The following ZNF713 variants were observed in gnomAD, a reference collection of about 807,000 sequenced individuals.
ZNF713 encodes the protein zinc finger protein 713.
Under a neutral mutation model 28.7 loss-of-function variants are expected in ZNF713, and 21 were observed. The observed-to-expected ratio is 0.73, with a 90% CI of 0.52 to 1.05. The LOEUF (loss-of-function observed/expected upper bound fraction) is 1.05. Ranked by LOEUF, ZNF713 falls within the 50% of genes least tolerant of loss-of-function variation. The pLI is 0.00. For missense variants in ZNF713, 458 were observed against 532.4 expected (o/e 0.86, Z 1.37); for synonymous variants, 167 against 178.0 (o/e 0.94, Z 0.49).
chr7:55,908,595 G>A (rs1473370691), intron 2 of ZNF713, among the ~76,000 whole-genome samples: 4 of 151,060 alleles, frequency 2.6e-5, no homozygotes, highest in Non-Finnish European at 4.4e-5. Flanking sequence ...ACTTTTTGAT[G>A]GGTTTTTTTT....
At chr7:55,899,075 C>G (rs778738464) in intron 1 of ZNF713, among the ~76,000 whole-genome samples, 9 of 152,062 alleles carry the variant, frequency 5.9e-5, no homozygotes, top group Admixed American at 2.6e-4. Context: ...AAAAATCGGC[C>G]AGGCACGGTG....
chr7:55,940,063 C>CT lies in ZNF713; in HGVS notation c.*62dup, dbSNP rs1432193112. The stretch of plus-strand genomic sequence containing the variant: ...AATGTAGGAGATTTTTTGGTCAGAC[C>CT]TTTTTATCCCATTCAATATCAAATT... On this transcript the variant is annotated 3_prime_UTR_variant, in exon 7 of 7. Coordinates refer to ENST00000429591, the MANE Select transcript of ZNF713 (RefSeq NM_182633.3). The CT allele has an allele frequency of 6.7e-7, 1 of 1,501,588 alleles. No homozygotes were observed. The highest frequency in any genetic ancestry group is 1.4e-5 in the African/African-American group (1 of 71,132). 93.0% of individuals were successfully genotyped at this position (1,501,588 alleles called of 1,614,324 possible). A position where few individuals can be genotyped will look rare whatever the true frequency, so the allele number is the denominator to read the frequency against.
intron 1 of ZNF713, among the ~76,000 whole-genome samples, chr7:55,896,032 T>G (rs1266241057): frequency 6.6e-6 from 1 of 152,100 alleles, no homozygotes; most frequent in East Asian, 1.9e-4. Context: ...AGAATGAGTT[T>G]TGGATATGTT....
intron 1 of ZNF713, among the ~76,000 whole-genome samples, chr7:55,899,124 C>T (rs751617223): frequency 2.1e-5 from 3 of 144,264 alleles, no homozygotes; most frequent in African/African-American, 5.1e-5. Flanking sequence ...GAGGCCGAGG[C>T]GGGCAGATCA....
chr7:55,893,704 C>T (rs1206697200), intron 1 of ZNF713, among the ~76,000 whole-genome samples: 1 of 152,072 alleles, frequency 6.6e-6, no homozygotes, highest in Admixed American at 6.6e-5. Flanking sequence ...CTCAGCCTCC[C>T]GAGTAGCTGG....
intron 1 of ZNF713, among the ~76,000 whole-genome samples, chr7:55,892,555 C>CAAAAAAAAA (rs56338467): frequency 6.5e-4 from 48 of 74,324 alleles, no homozygotes; most frequent in East Asian, 1.9e-3. Flanking sequence ...AAGCACTGAC[C>CAAAAAAAAA]AAAAAAAAAA....
At chr7:55,908,604 T>TG (rs1464087117) in intron 2 of ZNF713, among the ~76,000 whole-genome samples, 5 of 152,120 alleles carry the variant, frequency 3.3e-5, no homozygotes, top group African/African-American at 1.2e-4. Flanking sequence ...TGGGTTTTTT[T>TG]TTTTCTTGTT....
rs1485244977 is a variant in ZNF713 at position 55,923,702 on chromosome 7, A to T, written c.307+3A>T. 1.2e-6 allele frequency: 2 copies of T among 1,609,498 alleles called. No homozygotes were observed. The highest frequency in any genetic ancestry group is 1.3e-5 in the African/African-American group (1 of 74,836). On this transcript the variant is annotated splice_donor_region_variant and intron_variant, in intron 6 of 6. Transcript: ENST00000429591. ...CAGCCTGCTGGATACTCATCCAGGT[A>T]AGTGCACACTCTTGGGCACTGCTAC... is the stretch of plus-strand genomic sequence containing the variant.
In ZNF713 at chr7:55,927,850, T is replaced by C. The variant is rs572282073; in HGVS notation, c.307+4151T>C. ...AGACGGAGGTTGCAGTGAGCCAAGA[T>C]TGCACCACTGCACTCTAGCCTGGGT... On this transcript the variant is annotated intron_variant, in intron 6 of 6. Transcript: ENST00000429591. Among the ~76,000 whole-genome samples, 11 of 120,792 alleles carry C rather than the reference T, an allele frequency of 9.1e-5. No individual in the cohort carries two copies. The East Asian group carries it at 1.1e-3, about 13-fold the overall frequency. The allele number at this position is 120,792 out of a possible 152,430, so 79.2% of individuals were successfully genotyped here. A position where few individuals can be genotyped will look rare whatever the true frequency, so the allele number is the denominator to read the frequency against.
Position 55,915,099 on chromosome 7 carries a change from G to A in ZNF713, c.87+2376G>A, listed in dbSNP as rs575625774. Among the ~76,000 whole-genome samples, 93 of 152,312 alleles carry A rather than the reference G, an allele frequency of 6.1e-4. 1 individual carries two copies. In the Middle Eastern group the frequency reaches 0.01, roughly 17 times the overall value. On this transcript the variant is annotated intron_variant, in intron 4 of 6. Transcript: ENST00000429591. ...GCCCCCATCAGCCTCCCAAAGTATT[G>A]GGATTATAGGCGTGAGCCGCCGCAC...
At chr7:55,914,822 G>A (rs539402151) in intron 4 of ZNF713, among the ~76,000 whole-genome samples, 1 of 152,150 alleles carries the variant, frequency 6.6e-6, no homozygotes, top group South Asian at 2.1e-4. Context: ...GGATCTTTGG[G>A]TTTCAAGGGA....
intron 1 of ZNF713, among the ~76,000 whole-genome samples, chr7:55,895,721 G>A (rs1785461724): frequency 6.6e-6 from 1 of 152,020 alleles, no homozygotes; most frequent in East Asian, 1.9e-4. Flanking sequence ...GCCCGCCTTG[G>A]CCTCCCAAAG....
intron 1 of ZNF713, among the ~76,000 whole-genome samples, chr7:55,900,889 T>C (rs1027938820): frequency 2.2e-4 from 33 of 152,182 alleles, no homozygotes; most frequent in African/African-American, 7.7e-4. Context: ...CAGGCTGGTC[T>C]CGAACTCCTG....
At chr7:55,907,400 T>A (rs1475313100) in intron 2 of ZNF713, among the ~76,000 whole-genome samples, 2 of 152,194 alleles carry the variant, frequency 1.3e-5, no homozygotes, top group African/African-American at 4.8e-5. Flanking sequence ...TTGTCCTGTA[T>A]TCATTAAAGG....
chr7:55,910,621 A>G lies in ZNF713; in HGVS notation c.-455-995A>G, dbSNP rs540740947. 8.5e-5 allele frequency among the ~76,000 whole-genome samples: 13 copies of G among 152,170 alleles called. No homozygotes were observed. The East Asian group carries it at 2.5e-3, about 29-fold the overall frequency. ...AGCGATCCTCCCACCTCAGCCTCCC[A>G]AGTAGTTGGGACTACAGGCACAAGC... On this transcript the variant is annotated intron_variant, in intron 2 of 6. Transcript: ENST00000429591.
rs531784274 is a variant in ZNF713, at chr7:55,913,663, A to G, written c.87+940A>G. ...TATCAAATTAGGTGTTAGCAATACT[A>G]CCTCACTGAAGAAAAATCATAAAAC... On this transcript the variant is annotated intron_variant, in intron 4 of 6. Coordinates refer to ENST00000429591, the MANE Select transcript of ZNF713 (RefSeq NM_182633.3). Among the ~76,000 whole-genome samples, 6 of 152,304 alleles carry G rather than the reference A, an allele frequency of 3.9e-5. No homozygotes were observed. The East Asian group carries it at 1.2e-3, about 29-fold the overall frequency.
chr7:55,922,880 C>T (rs1372033750), intron 4 of ZNF713, among the ~76,000 whole-genome samples: 1 of 152,014 alleles, frequency 6.6e-6, no homozygotes, highest in African/African-American at 2.4e-5. Context: ...TCTGAGGTGT[C>T]CTTGTAGTTT....
intron 1 of ZNF713, among the ~76,000 whole-genome samples, chr7:55,901,182 G>C (rs546026086): frequency 1.1e-4 from 17 of 152,268 alleles, no homozygotes; most frequent in African/African-American, 3.9e-4. Context: ...CTGAGTGGCT[G>C]GGGAGGACTC....
At chr7:55,902,936 T>A (rs1018685717) in intron 1 of ZNF713, among the ~76,000 whole-genome samples, 4 of 137,246 alleles carry the variant, frequency 2.9e-5, no homozygotes, top group African/African-American at 1.1e-4. Flanking sequence ...AAGGTTACAG[T>A]GAGCCGAGAC....
Sources: allele counts gnomAD v4.1 joint callset (sites outside exome capture counted in the v4.1 genomes callset), GRCh38; gene constraint gnomAD v4.1.1; transcripts MANE v1.5; gene names NCBI Gene and HGNC (gene_info 2026-07-23, HGNC 2026-07-21).